SNX29: variants seen among roughly 807,000 people sequenced by gnomAD.
The protein encoded by SNX29 is sorting nexin-29.
In SNX29, 78 loss-of-function variants were observed where a neutral mutation model predicts 102.1. That is an observed-to-expected ratio of 0.76 (90% confidence interval 0.64 to 0.92). SNX29 has a LOEUF of 0.92. Among genes scored for constraint, SNX29 ranks in the 40% least tolerant of loss-of-function variants. The pLI is 0.00. For synonymous variants in SNX29, 580 were observed against 414.5 expected, an observed-to-expected ratio of 1.40 and a Z score of -4.85; for missense variants, 1,280 against 1,061.7, an observed-to-expected ratio of 1.21 and a Z score of -2.86.
chr16:12,140,232 G>A (rs2054822328), intron 13 of SNX29, among the ~76,000 whole-genome samples: 1 of 152,130 alleles, frequency 6.6e-6, no homozygotes, highest in Non-Finnish European at 1.5e-5. Context: ...TTCATTCTTA[G>A]GTAACTCTTC....
intron 11 of SNX29, chr16:12,087,505 G>A: frequency 4.0e-6 from 1 of 247,710 alleles, no homozygotes; most frequent in African/African-American, 2.2e-5. Flanking sequence ...AATGAGGCAG[G>A]AGGATTGCTT....
intron 7 of SNX29, among the ~76,000 whole-genome samples, chr16:12,050,214 T>G (rs1206556368): frequency 6.6e-6 from 1 of 152,202 alleles, no homozygotes; most frequent in African/African-American, 2.4e-5. Context: ...CTCAGAGTTG[T>G]GCTATACCAG....
At chr16:12,209,944 G>T (rs2077139953) in intron 14 of SNX29, among the ~76,000 whole-genome samples, 1 of 152,024 alleles carries the variant, frequency 6.6e-6, no homozygotes. Flanking sequence ...AAGAGTGTGG[G>T]CTCTGGAGAC....
intron 20 of SNX29, among the ~76,000 whole-genome samples, chr16:12,551,980 A>G (rs1041409870): frequency 6.6e-6 from 1 of 152,200 alleles, no homozygotes; most frequent in Non-Finnish European, 1.5e-5. Flanking sequence ...ACACAGTGCC[A>G]TGTCAAAGTA....
chr16:12,269,189 C>G (rs1197678072), intron 14 of SNX29, among the ~76,000 whole-genome samples: 2 of 152,146 alleles, frequency 1.3e-5, no homozygotes, highest in Non-Finnish European at 2.9e-5. Context: ...TATAATTATG[C>G]CATCAGGGAG....
chr16:12,554,870 A>AAG (rs2078227649), intron 20 of SNX29, among the ~76,000 whole-genome samples: 1 of 152,160 alleles, frequency 6.6e-6, no homozygotes, highest in South Asian at 2.1e-4. Context: ...AAAGAGGACA[A>AAG]AGATATGTCA....
chr16:12,517,612 C>T (rs552154026), intron 19 of SNX29, among the ~76,000 whole-genome samples: 1 of 152,296 alleles, frequency 6.6e-6, no homozygotes, highest in South Asian at 2.1e-4. Context: ...TGTATGGAGC[C>T]TCTTGGGATC....
intron 18 of SNX29, among the ~76,000 whole-genome samples, chr16:12,467,529 C>A (rs74923135): frequency 6.6e-6 from 1 of 152,176 alleles, no homozygotes; most frequent in Non-Finnish European, 1.5e-5. Flanking sequence ...GTCAGTAAGA[C>A]ACTCCCTGGC....
At position 12,573,447 on chromosome 16, in the gene SNX29, C is replaced by T. The variant is rs181273297; in HGVS notation, c.*4818C>T. The T allele has an allele frequency of 1.3e-5, 3 of 223,960 alleles. No homozygotes were observed. Among genetic ancestry groups the T allele is most frequent in the Non-Finnish European group, 2.7e-5 (3 of 112,318 alleles). 13.9% of individuals were successfully genotyped at this position (223,960 alleles called of 1,614,324 possible). A position where few individuals can be genotyped will look rare whatever the true frequency, so the allele number is the denominator to read the frequency against. On this transcript the variant is annotated 3_prime_UTR_variant, in exon 21 of 21. Transcript: ENST00000566228. ...TGGCTTCCTTAATAAGATAGTTGAG[C>T]CTATGACATTAAGGAGCAGCGCTGC... is the stretch of plus-strand genomic sequence containing the variant.
At chr16:12,506,308 C>G (rs986929253) in intron 19 of SNX29, among the ~76,000 whole-genome samples, 3 of 152,008 alleles carry the variant, frequency 2.0e-5, no homozygotes, top group Non-Finnish European at 2.9e-5. Context: ...GGGACAACAC[C>G]CTAAAAAAAA....
intron 19 of SNX29, among the ~76,000 whole-genome samples, chr16:12,507,551 T>A (rs889222773): frequency 1.3e-4 from 18 of 139,368 alleles, no homozygotes; most frequent in Admixed American, 1.3e-3. Context: ...CCCAGATCTT[T>A]CCATAGTGAG....
chr16:12,437,572 C>G (rs184944261), intron 18 of SNX29, among the ~76,000 whole-genome samples: 219 of 152,322 alleles, frequency 1.4e-3, no homozygotes, highest in African/African-American at 5.2e-3. Flanking sequence ...GACAACATCT[C>G]TGTCTCCCCG....
intron 15 of SNX29, among the ~76,000 whole-genome samples, chr16:12,290,712 T>A (rs1408056163): frequency 6.6e-6 from 1 of 152,226 alleles, no homozygotes; most frequent in Non-Finnish European, 1.5e-5. Flanking sequence ...TAGTCTCCTT[T>A]ATGGGTAGCT....
intron 1 of SNX29, among the ~76,000 whole-genome samples, chr16:11,996,534 A>ATTAT (rs1235706708): frequency 6.6e-6 from 1 of 152,206 alleles, no homozygotes; most frequent in Non-Finnish European, 1.5e-5. Context: ...CTGATTTGTT[A>ATTAT]TTATTCTATT....
chr16:12,553,011 G>A (rs773417514), intron 20 of SNX29, among the ~76,000 whole-genome samples: 5 of 152,178 alleles, frequency 3.3e-5, no homozygotes, highest in Non-Finnish European at 7.3e-5. Flanking sequence ...CAGGAGAGTG[G>A]GATTAGATCA....
At chr16:12,354,628 G>A (rs1035334999) in intron 15 of SNX29, among the ~76,000 whole-genome samples, 2 of 152,068 alleles carry the variant, frequency 1.3e-5, no homozygotes, top group Admixed American at 6.6e-5. Flanking sequence ...CAGTAATATC[G>A]GCAGCTGTGG....
chr16:12,025,743 T>G (rs930363988), intron 3 of SNX29, among the ~76,000 whole-genome samples: 3 of 152,162 alleles, frequency 2.0e-5, no homozygotes, highest in Non-Finnish European at 4.4e-5. Context: ...GTTAGGGGTG[T>G]GTAGTGTAGA....
chr16:12,554,999 C>G (rs1003072960), intron 20 of SNX29, among the ~76,000 whole-genome samples: 1 of 151,990 alleles, frequency 6.6e-6, no homozygotes, highest in Non-Finnish European at 1.5e-5. Context: ...ACCTTTCTTT[C>G]TTGCAGAGGC....
At chr16:12,046,171 G>T (rs1001945359) in intron 5 of SNX29, among the ~76,000 whole-genome samples, 1 of 152,158 alleles carries the variant, frequency 6.6e-6, no homozygotes, top group Non-Finnish European at 1.5e-5. Context: ...CTGAGGGTCG[G>T]CAGGGGGACC....
Sources: allele counts gnomAD v4.1 joint callset (sites outside exome capture counted in the v4.1 genomes callset), GRCh38; gene constraint gnomAD v4.1.1; transcripts MANE v1.5; gene names NCBI Gene and HGNC (gene_info 2026-07-23, HGNC 2026-07-21).